DLL3: variants seen among roughly 807,000 people sequenced by gnomAD.
The protein encoded by DLL3 is delta-like protein 3.
In DLL3, 49 loss-of-function variants were observed where a neutral mutation model predicts 55.0. That is an observed-to-expected ratio of 0.89 (90% CI 0.71 to 1.13). DLL3 has a LOEUF of 1.13. Ranked by LOEUF, DLL3 falls within the 50% of genes most tolerant of loss-of-function variation. The probability of loss-of-function intolerance (pLI) is 0.00; values close to 1 mark genes in which losing one functional copy is unlikely to be tolerated. For synonymous variants in DLL3, 421 were observed against 385.2 expected (o/e 1.09, Z -1.09); for missense variants, 962 against 875.5 (o/e 1.10, Z -1.25).
At chr19:39,502,327 G>C (rs1345975521) in intron 3 of DLL3, among the ~76,000 whole-genome samples, 1 of 151,622 alleles carries the variant, frequency 6.6e-6, no homozygotes, top group Non-Finnish European at 1.5e-5. Flanking sequence ...TGCGATGGCC[G>C]ATCTCGGCTC....
Position 39,500,519 on chromosome 19 carries a change from GC to G in DLL3, c.352-94del, listed in dbSNP as rs2079604029. 14 of 1,122,510 alleles carry G rather than the reference GC, an allele frequency of 1.2e-5. No homozygotes were observed. In the South Asian group the frequency reaches 1.7e-4, roughly 14 times the overall value. The allele number at this position is 1,122,510 out of a possible 1,614,324, so 69.5% of individuals were successfully genotyped here. A position where few individuals can be genotyped will look rare whatever the true frequency, so the allele number is the denominator to read the frequency against. ...CTTGCTTGCTCAGTCCCCAGCAATG[GC>G]CATCACCCTCCATTCCTGAACTCTG... On this transcript the variant is annotated intron_variant, in intron 2 of 8. Coordinates refer to ENST00000356433, the MANE Select transcript of DLL3 (RefSeq NM_203486.3).
Position 39,507,507 on chromosome 19 carries a change from C to CCCA in DLL3, c.1563_1565dup (p.Ser521_Gln522insHis). 4 of 1,599,324 alleles carry CCCA rather than the reference C, an allele frequency of 2.5e-6. No homozygotes were observed. Among genetic ancestry groups the CCCA allele is most frequent in the Non-Finnish European group, 3.4e-6 (4 of 1,174,156 alleles). On this transcript the variant is annotated inframe_insertion, in exon 7 of 9. Transcript: ENST00000356433. The stretch of plus-strand genomic sequence containing the variant: ...GTCCACGTGCGCCGCCGTGGCCACT[C>CCCA]CCAGGATGCTGGGTCTCGCTTGCTG...
intron 2 of DLL3, among the ~76,000 whole-genome samples, chr19:39,500,258 T>C (rs1242764645): frequency 7.4e-6 from 1 of 135,078 alleles, no homozygotes; most frequent in Non-Finnish European, 1.7e-5. Flanking sequence ...TGAGACCTCG[T>C]TTCTAAAAAA....
At chr19:39,506,253 A>G (rs901489109) in intron 6 of DLL3, among the ~76,000 whole-genome samples, 4 of 137,548 alleles carry the variant, frequency 2.9e-5, no homozygotes, top group Non-Finnish European at 6.1e-5. Context: ...ATTAAGTAAG[A>G]TCATGAATGT....
chr19:39,503,103 G>A lies in DLL3; in HGVS notation c.652+46G>A, dbSNP rs2079620894. On this transcript the variant is annotated intron_variant, in intron 4 of 8. Coordinates refer to ENST00000356433, the MANE Select transcript of DLL3 (RefSeq NM_203486.3). ...CACCCCGTCCCAGCCGGGGACCCCG[G>A]CCCCTCCTGAGCGTCACTCGCGGCC... is the stretch of plus-strand genomic sequence containing the variant. The A allele has an allele frequency of 4.0e-6, 6 of 1,509,946 alleles. No homozygotes were observed. In the African/African-American group the frequency reaches 5.6e-5, roughly 14 times the overall value. 93.5% of individuals were successfully genotyped at this position (1,509,946 alleles called of 1,614,324 possible). A position where few individuals can be genotyped will look rare whatever the true frequency, so the allele number is the denominator to read the frequency against.
At chr19:39,500,422 C>CA (rs199863179) in intron 2 of DLL3, among the ~76,000 whole-genome samples, 193 bp from the exon 3 acceptor site, 10 of 83,968 alleles carry the variant, frequency 1.2e-4, no homozygotes, top group African/African-American at 4.8e-4. Context: ...TGAGATTCTC[C>CA]CCCCCCCCCC....
intron 5 of DLL3, among the ~76,000 whole-genome samples, chr19:39,505,021 C>G (rs1411157526): frequency 6.6e-6 from 1 of 151,948 alleles, no homozygotes; most frequent in African/African-American, 2.4e-5. Flanking sequence ...ACTCTGGGTC[C>G]CCAGAGCCTC....
intron 4 of DLL3, 39 bp from the exon 5 acceptor site, chr19:39,504,032 T>G: frequency 6.2e-7 from 1 of 1,602,920 alleles, no homozygotes; most frequent in South Asian, 1.1e-5. Context: ...CTCCCCGACG[T>G]TGGTGTTCCC....
intron 7 of DLL3, 48 bp downstream of exon 7, chr19:39,507,666 T>C (rs770079136): frequency 6.3e-7 from 1 of 1,589,584 alleles, no homozygotes; most frequent in South Asian, 1.1e-5. Context: ...TGGCTGCTTT[T>C]ACCCATCTCC....
At position 39,507,985 on chromosome 19, in the gene DLL3, AC is replaced by A. The variant is rs765903171; in HGVS notation, c.1758+74del. ...CAGAGGCAGCACCTGCTTTTTCCCTACCCTTCCTCGATTCTGTCCGTGAAAT... is the reference window on the plus strand; with the variant it reads ...CAGAGGCAGCACCTGCTTTTTCCCTACCTTCCTCGATTCTGTCCGTGAAAT... On this transcript the variant is annotated intron_variant, in intron 8 of 8. Transcript: ENST00000356433. 1.8e-5 allele frequency: 29 copies of A among 1,613,176 alleles called. No homozygotes were observed. Among genetic ancestry groups the A allele is most frequent in the Non-Finnish European group, 2.4e-5 (28 of 1,179,726 alleles).
rs368983321 is a variant in DLL3 at position 39,500,999 on chromosome 19, GT to G, written c.409+339del. ...ATTACTTCTGGTTCTTTTATGTGAA[GT>G]TTTTTTTTTTTCTTTCCAAGACAGA... is the stretch of plus-strand genomic sequence containing the variant. On this transcript the variant is annotated intron_variant, in intron 3 of 8. Transcript: ENST00000356433. 9.5e-3 allele frequency among the ~76,000 whole-genome samples: 1,400 copies of G among 147,932 alleles called. 23 individuals are homozygous for G. The highest frequency in any genetic ancestry group is 0.029 in the African/African-American group (1,153 of 40,324).
Position 39,508,385 on chromosome 19 carries a change from C to G in DLL3, c.*128C>G. The stretch of plus-strand genomic sequence containing the variant: ...GGTGTCTGGGGGAACTTTACTGTTG[C>G]AAGTTGTAAATAATGGTTATTTATA... On this transcript the variant is annotated 3_prime_UTR_variant, in exon 9 of 9. Coordinates refer to ENST00000356433, the MANE Select transcript of DLL3 (RefSeq NM_203486.3). The G allele has an allele frequency of 9.5e-7, 1 of 1,055,776 alleles. No homozygotes were observed. Among genetic ancestry groups the G allele is most frequent in the East Asian group, 2.4e-5 (1 of 42,186 alleles). 65.4% of individuals were successfully genotyped at this position (1,055,776 alleles called of 1,614,324 possible).
intron 3 of DLL3, among the ~76,000 whole-genome samples, chr19:39,501,587 G>A (rs1046601157): frequency 1.3e-5 from 2 of 152,144 alleles, no homozygotes; most frequent in African/African-American, 4.8e-5. Context: ...TTCCCAAAAC[G>A]TTGGGATTAT....
rs749425668 is a variant in DLL3, at chr19:39,505,267, G to A, written c.909G>A (p.Gly303=). The A allele has an allele frequency of 6.2e-7, 1 of 1,614,070 alleles. No homozygotes were observed. Among genetic ancestry groups the A allele is most frequent in the Non-Finnish European group, 8.5e-7 (1 of 1,180,032 alleles). The part of the protein sequence containing the change: ...PRSFECTCPR[G]FYGLRCEVSG... ...CCTTTGAATGCACCTGCCCGCGTGG[G>A]TTCTACGGGCTGCGGTGTGAGGTGA... is the stretch of plus-strand genomic sequence containing the variant. The change falls in exon 6 of 9, where the codon GGG becomes GGA. Residue 303 remains glycine, a synonymous_variant. Coordinates refer to ENST00000356433, the MANE Select transcript of DLL3 (RefSeq NM_203486.3).
At position 39,499,040 on chromosome 19, in the gene DLL3, C is replaced by T. The variant is rs1472173998; in HGVS notation, c.66C>T (p.Pro22=). The T allele has an allele frequency of 9.9e-6, 16 of 1,614,132 alleles. No homozygotes were observed. Among genetic ancestry groups the T allele is most frequent in the Non-Finnish European group, 1.4e-5 (16 of 1,180,024 alleles). The change falls in exon 1 of 9, where the codon CCC becomes CCT. Residue 22 remains proline, a synonymous_variant. Coordinates refer to ENST00000356433, the MANE Select transcript of DLL3 (RefSeq NM_203486.3). ...QTVILALIFL[P]QTRPAGVFEL... ...TGATCCTAGCGCTCATTTTCCTCCC[C>T]CAGGTCAGAGCCAGGTGGGAGGTGG...
intron 2 of DLL3, among the ~76,000 whole-genome samples, chr19:39,500,382 C>A (rs892156182): frequency 2.0e-5 from 3 of 150,050 alleles, no homozygotes; most frequent in Admixed American, 6.7e-5. Context: ...GCCAAGATTG[C>A]GCCAGTGCAC....
At chr19:39,505,200 C>T (rs1175017637) in intron 5 of DLL3, 29 bp from the exon 6 acceptor site, 2 of 1,609,206 alleles carry the variant, frequency 1.2e-6, no homozygotes, top group African/African-American at 2.7e-5. Flanking sequence ...AAGGAAACAC[C>T]CTTCTCAAGT....
At position 39,504,291 on chromosome 19, in the gene DLL3, C is replaced by G. The variant is rs377288340; in HGVS notation, c.870+3C>G. 1.9e-6 allele frequency: 3 copies of G among 1,611,864 alleles called. No individual in the cohort carries two copies. The highest frequency in any genetic ancestry group is 2.5e-6 in the Non-Finnish European group (3 of 1,180,006). On this transcript the variant is annotated splice_donor_region_variant and intron_variant, in intron 5 of 8. Transcript: ENST00000356433. ...GTGCCAATGGAGGCAGCTGTAGTGTCAGTGTCACCCTTCCCACCTTGTCCT... is the reference window on the plus strand; with the variant it reads ...GTGCCAATGGAGGCAGCTGTAGTGTGAGTGTCACCCTTCCCACCTTGTCCT...
rs934368057 is a variant in DLL3 at position 39,507,085 on chromosome 19, C to G, written c.1140C>G (p.Arg380=). The change falls in exon 7 of 9, where the codon CGC becomes CGG. Residue 380 remains arginine (R), a synonymous_variant. Transcript: ENST00000356433. ...DLGHALRCRC[R]AGFAGPRCEH... The stretch of plus-strand genomic sequence containing the variant: ...GCCACGCCCTGCGCTGCCGCTGCCG[C>G]GCCGGCTTCGCGGGTCCTCGCTGCG... The G allele has an allele frequency of 7.1e-6, 11 of 1,542,872 alleles. No individual in the cohort carries two copies. The highest frequency in any genetic ancestry group is 8.7e-6 in the Non-Finnish European group (10 of 1,151,506).
Sources: allele counts gnomAD v4.1 joint callset (sites outside exome capture counted in the v4.1 genomes callset), GRCh38; gene constraint gnomAD v4.1.1; transcripts MANE v1.5; gene names NCBI Gene and HGNC (gene_info 2026-07-23, HGNC 2026-07-21).